CPNE2: variants seen among roughly 807,000 people sequenced by gnomAD.
CPNE2 encodes the protein copine-2.
CPNE2 carries 42 observed loss-of-function variants against 69.7 expected under a neutral mutation model. The ratio of observed to expected loss-of-function variants is 0.60; its 90% confidence interval spans 0.47 to 0.78. CPNE2 has a LOEUF of 0.78. Among genes scored for constraint, CPNE2 ranks in the 30% least tolerant of loss-of-function variants. CPNE2 has a pLI of 0.00. For synonymous variants in CPNE2, 294 were observed against 289.8 expected (o/e 1.01, Z -0.15); for missense variants, 587 against 732.0 (o/e 0.80, Z 2.29).
intron 3 of CPNE2, among the ~76,000 whole-genome samples, chr16:57,114,934 CAAAAAAAAAA>C (rs55845635): frequency 1.5e-3 from 59 of 39,070 alleles, no homozygotes; most frequent in African/African-American, 6.1e-3. Flanking sequence ...TTGTCTCTAC[CAAAAAAAAAA>C]AAAAAAAAAA....
intron 1 of CPNE2, among the ~76,000 whole-genome samples, chr16:57,094,462 G>A (rs919624662): frequency 2.0e-5 from 3 of 152,190 alleles, no homozygotes; most frequent in African/African-American, 7.2e-5. Flanking sequence ...GAAGATGGCT[G>A]AGAATGGAGC....
chr16:57,123,376 A>T (rs765524757), intron 9 of CPNE2, 38 bp from the exon 10 acceptor site: 14 of 1,607,596 alleles, frequency 8.7e-6, no homozygotes, highest in Non-Finnish European at 1.0e-5. Flanking sequence ...AGTGTGACCA[A>T]GTCAAGGGGA....
chr16:57,117,382 G>T, intron 4 of CPNE2, 114 bp from the exon 5 acceptor site: 1 of 997,204 alleles, frequency 1.0e-6, no homozygotes, highest in Non-Finnish European at 1.5e-6. Context: ...ACCTGGAACT[G>T]CCCTTCCCTT....
intron 2 of CPNE2, among the ~76,000 whole-genome samples, chr16:57,111,309 T>C (rs1249391098): frequency 6.6e-6 from 1 of 151,848 alleles, no homozygotes; most frequent in African/African-American, 2.4e-5. Context: ...CCCGATTAGC[T>C]GGGGCTACAG....
chr16:57,123,225 C>T, intron 9 of CPNE2, 189 bp from the exon 10 acceptor site: 3 of 623,788 alleles, frequency 4.8e-6, no homozygotes, highest in Non-Finnish European at 8.6e-6. Flanking sequence ...GAGTCCCCCA[C>T]CCATTAGGAA....
At chr16:57,134,178 G>A (rs2069859563) in intron 12 of CPNE2, among the ~76,000 whole-genome samples, 1 of 152,182 alleles carries the variant, frequency 6.6e-6, no homozygotes, top group Non-Finnish European at 1.5e-5. Flanking sequence ...GCTGGGCCTG[G>A]AGGCAGAGAA....
At chr16:57,093,121 A>T (rs2069554886) in intron 1 of CPNE2, among the ~76,000 whole-genome samples, 1 of 149,604 alleles carries the variant, frequency 6.7e-6, no homozygotes. Flanking sequence ...GGCGTACGGG[A>T]GGTGGAGACC....
chr16:57,139,152 G>A (rs963177516), intron 14 of CPNE2, among the ~76,000 whole-genome samples: 1 of 152,216 alleles, frequency 6.6e-6, no homozygotes, highest in Admixed American at 6.5e-5. Context: ...ATAATTTGGC[G>A]AGTAGAAGCT....
intron 11 of CPNE2, 66 bp from the exon 12 acceptor site, chr16:57,127,779 AGCCC>A: frequency 5.3e-6 from 8 of 1,502,010 alleles, no homozygotes; most frequent in Non-Finnish European, 7.4e-6. Context: ...GAGTGGGCCC[AGCCC>A]TGGGCAGAGG....
intron 1 of CPNE2, among the ~76,000 whole-genome samples, chr16:57,109,917 C>T (rs907041799): frequency 5.3e-5 from 8 of 152,158 alleles, no homozygotes; most frequent in East Asian, 3.8e-4. Context: ...CTGGTTTAAA[C>T]GCCTCTGACG....
chr16:57,129,395 T>C (rs2069822511), intron 12 of CPNE2, among the ~76,000 whole-genome samples: 1 of 151,680 alleles, frequency 6.6e-6, no homozygotes, highest in South Asian at 2.1e-4. Context: ...ACCAAGTGAG[T>C]GTGGGCCGAA....
At chr16:57,139,462 T>C (rs914843253) in intron 14 of CPNE2, among the ~76,000 whole-genome samples, 10 of 152,204 alleles carry the variant, frequency 6.6e-5, no homozygotes, top group African/African-American at 2.4e-4. Flanking sequence ...TTCCAATCTG[T>C]AGCTGATTTG....
At chr16:57,140,099 T>C (rs987661646) in intron 14 of CPNE2, among the ~76,000 whole-genome samples, 1 of 152,080 alleles carries the variant, frequency 6.6e-6, no homozygotes, top group Admixed American at 6.5e-5. Flanking sequence ...TTCCCGGCCC[T>C]GACCCTGGCA....
intron 12 of CPNE2, among the ~76,000 whole-genome samples, chr16:57,134,170 T>G (rs1188932998): frequency 6.6e-6 from 1 of 152,148 alleles, no homozygotes; most frequent in African/African-American, 2.4e-5. Flanking sequence ...GGCTGGGTGC[T>G]GGGCCTGGAG....
Position 57,118,501 on chromosome 16 carries a change from C to T in CPNE2, c.508-694C>T, listed in dbSNP as rs367556230. Among the ~76,000 whole-genome samples, 48 of 152,082 alleles carry T rather than the reference C, an allele frequency of 3.2e-4. No individual in the cohort carries two copies. In the East Asian group the frequency reaches 6.0e-3, roughly 19 times the overall value. On this transcript the variant is annotated intron_variant, in intron 5 of 15. Coordinates refer to ENST00000290776, the MANE Select transcript of CPNE2 (RefSeq NM_152727.6). ...ACCTTCTTTACTTATTTTCTGTCTC[C>T]CTAACTTGAATATAACCTCTTTAAA...
At chr16:57,111,698 A>T (rs1455280342) in intron 2 of CPNE2, among the ~76,000 whole-genome samples, 3 of 152,120 alleles carry the variant, frequency 2.0e-5, no homozygotes, top group Non-Finnish European at 4.4e-5. Context: ...CATCTGTGAA[A>T]TTATTATATA....
chr16:57,117,592 C>T lies in CPNE2; in HGVS notation c.507+25C>T, dbSNP rs764128119. The T allele has an allele frequency of 4.2e-5, 68 of 1,610,492 alleles. 1 individual carries two copies. The Admixed American group carries it at 1.1e-3, about 26-fold the overall frequency. On this transcript the variant is annotated intron_variant, in intron 5 of 15. Transcript: ENST00000290776. The stretch of plus-strand genomic sequence containing the variant: ...GGTAAGGCGGGCAGAGGAAGGGCTC[C>T]CATTGGGAACAGTAGCCCCCACCAG...
At chr16:57,101,312 C>T (rs1360228210) in intron 1 of CPNE2, among the ~76,000 whole-genome samples, 2 of 152,176 alleles carry the variant, frequency 1.3e-5, no homozygotes, top group Non-Finnish European at 2.9e-5. Flanking sequence ...ATATGGTTGC[C>T]ATTTATCTTC....
intron 1 of CPNE2, among the ~76,000 whole-genome samples, chr16:57,096,540 A>G (rs558087320): frequency 6.6e-6 from 1 of 152,152 alleles, no homozygotes; most frequent in Non-Finnish European, 1.5e-5. Context: ...AAAATAAAAA[A>G]TAAACAAAAT....
Sources: gnomAD v4.1 joint callset for allele counts (sites outside exome capture counted in the v4.1 genomes callset) on GRCh38, gnomAD v4.1.1 for gene constraint, MANE v1.5 for transcripts, NCBI Gene and HGNC (gene_info 2026-07-23, HGNC 2026-07-21) for gene names.